Variants in PRPH2 observed in about 807,000 individuals in gnomAD.
PRPH2 encodes peripherin 2.
Under a neutral mutation model 31.3 loss-of-function variants are expected in PRPH2, and 17 were observed. The observed-to-expected ratio is 0.54, with a 90% CI of 0.37 to 0.81. The LOEUF (loss-of-function observed/expected upper bound fraction) is 0.81. Among genes scored for constraint, PRPH2 ranks in the 40% least tolerant of loss-of-function variants. The pLI is 0.00. For missense variants in PRPH2, 430 were observed against 439.7 expected, an observed-to-expected ratio of 0.98 and a Z score of 0.20; for synonymous variants, 165 against 184.4, an observed-to-expected ratio of 0.89 and a Z score of 0.85.
intron 1 of PRPH2, among the ~76,000 whole-genome samples, chr6:42,718,377 A>G (rs1158374235): frequency 2.0e-5 from 3 of 152,056 alleles, no homozygotes; most frequent in Non-Finnish European, 4.4e-5. Context: ...CTGAGGCATA[A>G]GAATAGCTTG....
At chr6:42,709,245 A>ACTTGAAC (rs1800229581) in intron 1 of PRPH2, among the ~76,000 whole-genome samples, 1 of 150,270 alleles carries the variant, frequency 6.7e-6, no homozygotes, top group Non-Finnish European at 1.5e-5. Context: ...CAGAAGAATC[A>ACTTGAAC]CTTGAACCAG....
intron 1 of PRPH2, among the ~76,000 whole-genome samples, chr6:42,710,347 G>T (rs1410479976): frequency 6.6e-6 from 1 of 152,216 alleles, no homozygotes; most frequent in African/African-American, 2.4e-5. Flanking sequence ...ATTCCCAGGG[G>T]CAACATCCAG....
intron 1 of PRPH2, among the ~76,000 whole-genome samples, chr6:42,718,179 C>T (rs1211591721): frequency 1.3e-5 from 2 of 151,720 alleles, no homozygotes; most frequent in African/African-American, 4.9e-5. Flanking sequence ...GATGTGGTGG[C>T]TCACGTCTGT....
intron 1 of PRPH2, among the ~76,000 whole-genome samples, chr6:42,706,707 A>G (rs113010198): frequency 2.6e-5 from 4 of 152,312 alleles, no homozygotes; most frequent in African/African-American, 9.6e-5. Context: ...ATTTTAAACA[A>G]TGTTCATTGA....
intron 1 of PRPH2, 87 bp downstream of exon 1, chr6:42,721,667 G>A: frequency 6.7e-7 from 1 of 1,482,256 alleles, no homozygotes; most frequent in Non-Finnish European, 9.4e-7. Flanking sequence ...AAGGCACTGG[G>A]TGCGGGGAGA....
At chr6:42,703,883 C>T (rs1800094100) in intron 2 of PRPH2, among the ~76,000 whole-genome samples, 7 of 152,240 alleles carry the variant, frequency 4.6e-5, no homozygotes, top group African/African-American at 1.7e-4. Flanking sequence ...AGGCAGATCA[C>T]GAGGTCAGGA....
In PRPH2 at chr6:42,698,102, GGTCA is replaced by G; in HGVS notation, c.*189_*192del. ...TCACATTAGCTTCATTCACATTTTG[GGTCA>G]GTCATTCAACAACTGTGTGTCAAAT... On this transcript the variant is annotated 3_prime_UTR_variant, in exon 3 of 3. Transcript: ENST00000230381. 4.3e-6 allele frequency: 3 copies of G among 705,302 alleles called. No homozygotes were observed. Among genetic ancestry groups the G allele is most frequent in the Non-Finnish European group, 7.0e-6 (3 of 429,888 alleles). The allele number at this position is 705,302 out of a possible 1,614,324, so 43.7% of individuals were successfully genotyped here.
At chr6:42,711,823 A>C in intron 1 of PRPH2, 1 of 985,396 alleles carries the variant, frequency 1.0e-6, no homozygotes, top group Non-Finnish European at 1.2e-6. Context: ...CTTCTCCCTC[A>C]GACTGGGGAC....
intron 1 of PRPH2, among the ~76,000 whole-genome samples, chr6:42,705,599 A>AAAAAAAATAAATATATATACATAT (rs1562424252): frequency 4.6e-5 from 1 of 21,600 alleles, no homozygotes; most frequent in East Asian, 1.5e-3. Flanking sequence ...AAAAAAAAAA[A>AAAAAAAATAAATATATATACATAT]ATATATATAT....
intron 1 of PRPH2, among the ~76,000 whole-genome samples, chr6:42,717,722 A>C (rs958468703): frequency 2.6e-5 from 4 of 152,054 alleles, no homozygotes; most frequent in African/African-American, 4.8e-5. Flanking sequence ...ACAGTCTCTC[A>C]TTCATTCCTT....
At chr6:42,713,757 G>C (rs3793007) in intron 1 of PRPH2, among the ~76,000 whole-genome samples, 89,651 of 150,946 alleles carry the variant, frequency 0.59, 26,776 homozygotes, top group African/African-American at 0.67. Flanking sequence ...CCCGTCTCTA[G>C]AAAATTACAA....
rs188995932 is a variant in PRPH2 at position 42,713,080 on chromosome 6, C to A, written c.582-8469G>T. On this transcript the variant is annotated intron_variant, in intron 1 of 2. Transcript: ENST00000230381. Reference sequence around the variant, plus strand: ...TCTCTACTAAAAATATAAAAATTAGCCAGGTATGATGGTGGGCACCTGTAA... The same window carrying A: ...TCTCTACTAAAAATATAAAAATTAGACAGGTATGATGGTGGGCACCTGTAA... 5.0e-4 allele frequency among the ~76,000 whole-genome samples: 76 copies of A among 151,882 alleles called. 1 individual carries two copies. Among genetic ancestry groups the A allele is most frequent in the Non-Finnish European group, 1.2e-4 (8 of 67,934 alleles).
chr6:42,696,929 A>G lies in PRPH2; in HGVS notation c.*1366T>C, dbSNP rs1373228252. The G allele has an allele frequency of 6.6e-6, 1 of 152,078 alleles. No individual in the cohort carries two copies. The highest frequency in any genetic ancestry group is 2.4e-5 in the African/African-American group (1 of 41,372). 9.4% of individuals were successfully genotyped at this position (152,078 alleles called of 1,614,324 possible). ...TTATTTTCTCTACACTGAAGTTCTTAGGACAGCAGAGAACCCAAACTCAGT... is the reference window on the plus strand; with the variant it reads ...TTATTTTCTCTACACTGAAGTTCTTGGGACAGCAGAGAACCCAAACTCAGT... On this transcript the variant is annotated 3_prime_UTR_variant, in exon 3 of 3. Coordinates refer to ENST00000230381, the MANE Select transcript of PRPH2 (RefSeq NM_000322.5).
intron 1 of PRPH2, 75 bp downstream of exon 1, chr6:42,721,679 G>A (rs1761903372): frequency 6.5e-7 from 1 of 1,550,286 alleles, no homozygotes; most frequent in East Asian, 2.2e-5. Context: ...GCGGGGAGAG[G>A]GGCTGGTCAG....
chr6:42,721,716 T>C, intron 1 of PRPH2, 38 bp downstream of exon 1: 1 of 1,610,640 alleles, frequency 6.2e-7, no homozygotes, highest in Non-Finnish European at 8.5e-7. Context: ...GTCCCCAATA[T>C]ATTCATAGCT....
rs1322278463 is a variant in PRPH2, at chr6:42,704,610, G to A, written c.583C>T (p.Arg195Ter). Residue 195 changes from arginine to a stop codon, truncating the protein, a stop_gained and splice_region_variant, in exon 2 of 3, where the codon CGA becomes TGA. Transcript: ENST00000230381. LOFTEE classifies it high-confidence loss of function. ...CGCCCATCCACGTTGCTCTTGATTC[G>A]ACTTAAAGGGAAACAGACAGCTGGA... Reference protein sequence around the residue: ...LDFSSKEVKDRIKSNVDGRYL... With the variant: ...LDFSSKEVKD 2 of 1,614,132 alleles carry A rather than the reference G, an allele frequency of 1.2e-6. No homozygotes were observed. The highest frequency in any genetic ancestry group is 1.7e-6 in the Non-Finnish European group (2 of 1,180,032).
intron 1 of PRPH2, chr6:42,712,031 T>C (rs932042923): frequency 3.2e-6 from 3 of 944,552 alleles, no homozygotes; most frequent in Non-Finnish European, 3.8e-6. Context: ...TAGGAAATGT[T>C]CTTGCCACAA....
intron 1 of PRPH2, among the ~76,000 whole-genome samples, chr6:42,716,919 CTTTTTTCTTTTCT>C (rs147201691): frequency 0.51 from 57,279 of 112,996 alleles, 15,491 homozygotes; most frequent in Middle Eastern, 0.59. Context: ...CTCACCGGGC[CTTTTTTCTTTTCT>C]TTTTTTCTTT....
intron 1 of PRPH2, among the ~76,000 whole-genome samples, chr6:42,713,364 T>TC (rs1221810698): frequency 6.6e-6 from 1 of 151,988 alleles, no homozygotes; most frequent in Non-Finnish European, 1.5e-5. Flanking sequence ...AGGAAGTGTG[T>TC]CCCCCTCTTC....
Sources: allele counts gnomAD v4.1 joint callset (sites outside exome capture counted in the v4.1 genomes callset), GRCh38; gene constraint gnomAD v4.1.1; transcripts MANE v1.5; gene names NCBI Gene and HGNC (gene_info 2026-07-23, HGNC 2026-07-21).